ZNF236: variants seen among roughly 807,000 people sequenced by gnomAD.
The protein encoded by ZNF236 is zinc finger protein 236.
ZNF236 carries 50 observed loss-of-function variants against 191.2 expected under a neutral mutation model. That is an observed-to-expected ratio of 0.26 (90% CI 0.21 to 0.33). ZNF236 has a LOEUF of 0.33. Among genes scored for constraint, ZNF236 ranks in the 10% least tolerant of loss-of-function variants. The probability of loss-of-function intolerance (pLI) is 1.00; values close to 1 mark genes in which losing one functional copy is unlikely to be tolerated. For synonymous variants in ZNF236, 907 were observed against 928.8 expected (o/e 0.98, Z 0.43); for missense variants, 1,754 against 2,374.5 (o/e 0.74, Z 5.43).
chr18:76,886,396 T>G (rs980817979), intron 9 of ZNF236: 2 of 153,398 alleles, frequency 1.3e-5, no homozygotes, highest in Non-Finnish European at 2.9e-5. Context: ...CTTTCCTGTC[T>G]GACAAGTTCC....
At chr18:76,844,160 A>C (rs985486263) in intron 1 of ZNF236, among the ~76,000 whole-genome samples, 21 of 151,910 alleles carry the variant, frequency 1.4e-4, no homozygotes, top group Non-Finnish European at 1.9e-4. Context: ...GAATTGCTTG[A>C]ACCTGGGAGG....
In ZNF236 at chr18:76,960,346, C is replaced by T. The variant is rs889879468; in HGVS notation, c.5243-333C>T. On this transcript the variant is annotated intron_variant, in intron 29 of 30. Coordinates refer to ENST00000320610, the MANE Select transcript of ZNF236 (RefSeq NM_001306089.2). This position sits in a 1 kb window ranked among gnomAD's most constrained non-coding sequence, Gnocchi z 4.4. Reference sequence around the variant, plus strand: ...ATAGCTCGTGTCAGCCCTTCCGTCTCCGCCCTGCCCTAACAGGACATCATC... The same window carrying T: ...ATAGCTCGTGTCAGCCCTTCCGTCTTCGCCCTGCCCTAACAGGACATCATC... 1.3e-5 allele frequency among the ~76,000 whole-genome samples: 2 copies of T among 152,210 alleles called. No individual in the cohort carries two copies. Among genetic ancestry groups the T allele is most frequent in the Non-Finnish European group, 2.9e-5 (2 of 68,042 alleles).
chr18:76,968,193 G>A, intron 30 of ZNF236, 22 bp from the exon 31 acceptor site: 1 of 1,613,634 alleles, frequency 6.2e-7, no homozygotes, highest in Non-Finnish European at 8.5e-7. Flanking sequence ...GGCTGCTTGT[G>A]TTTTCTTTGT....
chr18:76,940,336 C>T (rs150059894), intron 26 of ZNF236, among the ~76,000 whole-genome samples: 4,550 of 56,622 alleles, frequency 0.08, 211 homozygotes, highest in African/African-American at 0.16. Context: ...CCTAGCATTG[C>T]GTTTGGGAAC....
chr18:76,837,664 A>G lies in ZNF236; in HGVS notation c.56-11862A>G, dbSNP rs374868048. 1.9e-4 allele frequency among the ~76,000 whole-genome samples: 28 copies of G among 151,206 alleles called. No individual in the cohort carries two copies. The East Asian group carries it at 2.7e-3, about 15-fold the overall frequency. Reference sequence around the variant, plus strand: ...ACCATGTTGGCCAGGCTGGTCTCGAACTCCTAATGTCAGTCAATCCGCCCG... The same window carrying G: ...ACCATGTTGGCCAGGCTGGTCTCGAGCTCCTAATGTCAGTCAATCCGCCCG... On this transcript the variant is annotated intron_variant, in intron 1 of 30. Coordinates refer to ENST00000320610, the MANE Select transcript of ZNF236 (RefSeq NM_001306089.2).
chr18:76,873,560 G>A (rs1437628620), intron 5 of ZNF236, among the ~76,000 whole-genome samples: 1 of 152,172 alleles, frequency 6.6e-6, no homozygotes, highest in Non-Finnish European at 1.5e-5. Context: ...TGCTGTTCAG[G>A]CAATTCCGTG....
At chr18:76,916,792 T>C (rs1388913117) in intron 19 of ZNF236, among the ~76,000 whole-genome samples, 1 of 152,190 alleles carries the variant, frequency 6.6e-6, no homozygotes, top group Non-Finnish European at 1.5e-5. Context: ...CTGGCACAGT[T>C]GGTGCGCAGT....
chr18:76,855,792 G>A (rs1976024271), intron 3 of ZNF236, among the ~76,000 whole-genome samples: 1 of 152,100 alleles, frequency 6.6e-6, no homozygotes, highest in South Asian at 2.1e-4. Context: ...TGTGAGTAGA[G>A]GATGCTGCCG....
chr18:76,939,693 T>G (rs1293862475), intron 26 of ZNF236, among the ~76,000 whole-genome samples: 1 of 152,238 alleles, frequency 6.6e-6, no homozygotes, highest in South Asian at 2.1e-4. Context: ...AAATATGACC[T>G]TACACTTCCG....
At chr18:76,824,167 A>G in intron 1 of ZNF236, 2 of 613,714 alleles carry the variant, frequency 3.3e-6, no homozygotes, top group Non-Finnish European at 5.9e-6. Context: ...CGGGCCTGGA[A>G]ACTACAAAGG....
At chr18:76,911,190 G>C (rs763887932) in intron 16 of ZNF236, among the ~76,000 whole-genome samples, 12 of 152,152 alleles carry the variant, frequency 7.9e-5, no homozygotes, top group Non-Finnish European at 1.6e-4. Context: ...GAATGCTGAC[G>C]TTAAAAAATA....
intron 1 of ZNF236, among the ~76,000 whole-genome samples, chr18:76,832,334 A>G (rs2406339): frequency 0.046 from 6,935 of 151,638 alleles, 481 homozygotes; most frequent in African/African-American, 0.15. Flanking sequence ...GCCCACCTTG[A>G]CCTCCCAAAG....
At chr18:76,943,682 C>G (rs1046521172) in intron 26 of ZNF236, among the ~76,000 whole-genome samples, 1 of 152,148 alleles carries the variant, frequency 6.6e-6, no homozygotes, top group Non-Finnish European at 1.5e-5. Context: ...ATTACAGACT[C>G]CTGATGGGAA....
chr18:76,829,933 C>G lies in ZNF236; in HGVS notation c.55+7271C>G, dbSNP rs7237681. Among the ~76,000 whole-genome samples the G allele has an allele frequency of 9.2e-3, 1,400 of 152,228 alleles. 20 individuals are homozygous for G. The highest frequency in any genetic ancestry group is 0.032 in the African/African-American group (1,315 of 41,550). Reference sequence around the variant, plus strand: ...GTTGCCAGGCTGGAGTTCAGTGGTGCGATCTCCACTCACTGCAACCTCCGT... The same window carrying G: ...GTTGCCAGGCTGGAGTTCAGTGGTGGGATCTCCACTCACTGCAACCTCCGT... On this transcript the variant is annotated intron_variant, in intron 1 of 30. Transcript: ENST00000320610.
intron 30 of ZNF236, among the ~76,000 whole-genome samples, chr18:76,961,337 C>T (rs1376667667): frequency 6.6e-6 from 1 of 150,560 alleles, no homozygotes; most frequent in East Asian, 2.0e-4. Flanking sequence ...GCTATTAATT[C>T]ATTCCTTTTT....
intron 16 of ZNF236, among the ~76,000 whole-genome samples, chr18:76,911,917 G>T (rs1967227291): frequency 1.3e-5 from 2 of 152,166 alleles, no homozygotes; most frequent in South Asian, 4.1e-4. Context: ...CTCTCTGAAG[G>T]TGGGATTTTA....
intron 26 of ZNF236, among the ~76,000 whole-genome samples, chr18:76,942,371 T>C (rs1183898904): frequency 6.6e-6 from 1 of 152,214 alleles, no homozygotes; most frequent in African/African-American, 2.4e-5. Flanking sequence ...ATTTAAAAGA[T>C]AGGAAAGTCA....
chr18:76,957,820 C>CT (rs1350450473), intron 28 of ZNF236, among the ~76,000 whole-genome samples: 1 of 152,146 alleles, frequency 6.6e-6, no homozygotes, highest in Non-Finnish European at 1.5e-5. Flanking sequence ...ACCCACAACT[C>CT]TAAAAACCCT....
At position 76,970,213 on chromosome 18, in the gene ZNF236, G is replaced by A. The variant is rs1212118359; in HGVS notation, c.*1874G>A. The stretch of plus-strand genomic sequence containing the variant: ...ATTGGAATTTTAAACTTTTGTTCTT[G>A]CTGGGTTATTTATTTTGATTTTAGC... On this transcript the variant is annotated 3_prime_UTR_variant, in exon 31 of 31. Coordinates refer to ENST00000320610, the MANE Select transcript of ZNF236 (RefSeq NM_001306089.2). The A allele has an allele frequency of 6.6e-6, 1 of 152,550 alleles. No homozygotes were observed. The highest frequency in any genetic ancestry group is 1.5e-5 in the Non-Finnish European group (1 of 68,002). 9.4% of individuals were successfully genotyped at this position (152,550 alleles called of 1,614,324 possible).
Sources: allele counts gnomAD v4.1 joint callset (sites outside exome capture counted in the v4.1 genomes callset), GRCh38; gene constraint gnomAD v4.1.1; non-coding constraint Gnocchi (gnomAD v3.1); transcripts MANE v1.5; gene names NCBI Gene and HGNC (gene_info 2026-07-23, HGNC 2026-07-21).